RAB38: variants seen among roughly 807,000 people sequenced by gnomAD.
RAB38 encodes ras-related protein Rab-38.
A neutral mutation model predicts 18.4 loss-of-function variants in RAB38; 15 were observed. The ratio of observed to expected loss-of-function variants is 0.82; its 90% CI spans 0.55 to 1.26. The LOEUF is 1.26. RAB38 is among the 50% of genes most tolerant of loss of function. The pLI, the probability that RAB38 is intolerant of heterozygous loss-of-function variation, is 0.00. For synonymous variants in RAB38, 101 were observed against 104.4 expected (o/e 0.97, Z 0.20); for missense variants, 294 against 267.4 (o/e 1.10, Z -0.69).
the RAB38 span, among the ~76,000 whole-genome samples, chr11:88,062,923 T>C: frequency 1.3e-5 from 2 of 152,206 alleles, no homozygotes; most frequent in African/African-American, 4.8e-5. Context: ...GCACTGAAAA[T>C]TGTTGAACCT....
At chr11:87,841,977 T>C in the RAB38 span, among the ~76,000 whole-genome samples, 2 of 152,214 alleles carry the variant, frequency 1.3e-5, no homozygotes, top group Non-Finnish European at 2.9e-5. Flanking sequence ...TATTTTCCTC[T>C]TCTTCTTGCT....
At chr11:88,046,052 C>T in the RAB38 span, among the ~76,000 whole-genome samples, 3 of 152,118 alleles carry the variant, frequency 2.0e-5, no homozygotes, top group African/African-American at 7.2e-5. Context: ...TACATTTTCC[C>T]CTTGTATCTC....
chr11:87,917,054 G>C, the RAB38 span, among the ~76,000 whole-genome samples: 2 of 152,112 alleles, frequency 1.3e-5, no homozygotes, highest in Non-Finnish European at 1.5e-5. Context: ...AGGGAAGCAG[G>C]GGAGAGAGAG....
At chr11:88,080,826 T>C in the RAB38 span, among the ~76,000 whole-genome samples, 1 of 132,136 alleles carries the variant, frequency 7.6e-6, no homozygotes, top group Admixed American at 7.7e-5. Context: ...TGATGAGCAA[T>C]TTAGCATGGA....
the RAB38 span, among the ~76,000 whole-genome samples, chr11:87,930,958 G>A: frequency 6.6e-6 from 1 of 152,098 alleles, no homozygotes; most frequent in African/African-American, 2.4e-5. Flanking sequence ...TGCTGTTTTG[G>A]TTACTGTAGC....
the RAB38 span, among the ~76,000 whole-genome samples, chr11:87,824,939 G>C: frequency 6.6e-6 from 1 of 152,158 alleles, no homozygotes; most frequent in East Asian, 1.9e-4. Context: ...ATACATCATT[G>C]TGAAATTTCA....
the RAB38 span, among the ~76,000 whole-genome samples, chr11:88,101,424 G>A: frequency 6.6e-6 from 1 of 151,648 alleles, no homozygotes; most frequent in South Asian, 2.1e-4. Context: ...ATAAACCACA[G>A]TATATATTAA....
the RAB38 span, among the ~76,000 whole-genome samples, chr11:87,939,379 TACACACACACACACACAC>T: frequency 7.2e-4 from 106 of 146,408 alleles, no homozygotes; most frequent in Middle Eastern, 0.01. Flanking sequence ...CACACATACA[TACACACACACACACACAC>T]ACACACACAC....
the RAB38 span, among the ~76,000 whole-genome samples, chr11:87,925,172 T>G: frequency 6.6e-6 from 1 of 152,070 alleles, no homozygotes; most frequent in South Asian, 2.1e-4. Context: ...ACTTCACTAT[T>G]TCCTAGATCT....
the RAB38 span, among the ~76,000 whole-genome samples, chr11:87,838,118 TA>T: frequency 1.1e-4 from 17 of 151,168 alleles, no homozygotes; most frequent in South Asian, 4.2e-4. Context: ...TTTTTATTTT[TA>T]TTTTTTTTTT....
At chr11:87,934,398 G>T in the RAB38 span, among the ~76,000 whole-genome samples, 1 of 151,996 alleles carries the variant, frequency 6.6e-6, no homozygotes, top group African/African-American at 2.4e-5. Context: ...TAACAGATTG[G>T]ATTAAAAGAC....
At chr11:87,834,007 C>A in the RAB38 span, among the ~76,000 whole-genome samples, 226 of 152,292 alleles carry the variant, frequency 1.5e-3, 1 homozygote, top group African/African-American at 5.2e-3. Context: ...AAGCAGAGAA[C>A]TGTGTCCAGC....
At chr11:88,034,963 T>C in the RAB38 span, among the ~76,000 whole-genome samples, 5,079 of 152,332 alleles carry the variant, frequency 0.033, 223 homozygotes, top group South Asian at 0.075. Flanking sequence ...TTTCATCAGC[T>C]GCATATGAGA....
the RAB38 span, among the ~76,000 whole-genome samples, chr11:87,832,688 C>G: frequency 6.6e-6 from 1 of 152,142 alleles, no homozygotes; most frequent in Non-Finnish European, 1.5e-5. Context: ...CTTTGTTCCC[C>G]AGCTCTCTGA....
chr11:88,161,506 AC>A, intron 1 of RAB38, among the ~76,000 whole-genome samples: 2 of 152,172 alleles, frequency 1.3e-5, no homozygotes, highest in African/African-American at 4.8e-5. Context: ...TAACCATGGC[AC>A]TGAAAATCCT....
the RAB38 span, among the ~76,000 whole-genome samples, chr11:88,058,903 G>T: frequency 6.6e-6 from 1 of 152,146 alleles, no homozygotes; most frequent in Non-Finnish European, 1.5e-5. Context: ...CCACTCACCT[G>T]CAGATTTATA....
At chr11:88,121,366 A>G (rs930719729) in intron 2 of RAB38, among the ~76,000 whole-genome samples, 4 of 152,224 alleles carry the variant, frequency 2.6e-5, no homozygotes, top group African/African-American at 9.6e-5. Context: ...TACTGGTACT[A>G]AGTTTGTACT....
At chr11:88,105,773 G>T in the RAB38 span, among the ~76,000 whole-genome samples, 1 of 152,138 alleles carries the variant, frequency 6.6e-6, no homozygotes, top group African/African-American at 2.4e-5. Flanking sequence ...GAAGAATGAA[G>T]TACTCTGATT....
chr11:88,162,685 G>C (rs908628874), intron 1 of RAB38, among the ~76,000 whole-genome samples: 1 of 151,934 alleles, frequency 6.6e-6, no homozygotes, highest in African/African-American at 2.4e-5. Context: ...CTGGTTACTA[G>C]TTTTGTTCTA....
Sources: gnomAD v4.1 joint callset for allele counts (sites outside exome capture counted in the v4.1 genomes callset) on GRCh38, gnomAD v4.1.1 for gene constraint, MANE v1.5 for transcripts, NCBI Gene and HGNC (gene_info 2026-07-23, HGNC 2026-07-21) for gene names.